UPP2: variants seen among roughly 807,000 people sequenced by gnomAD.
UPP2 encodes uridine phosphorylase 2, also known as UPase 2.
Under a neutral mutation model 26.7 loss-of-function variants are expected in UPP2, and 23 were observed. That is an observed-to-expected ratio of 0.86 (90% CI 0.62 to 1.22). The LOEUF is 1.22. Ranked by LOEUF, UPP2 falls within the 50% of genes most tolerant of loss-of-function variation. The probability of loss-of-function intolerance (pLI) is 0.00; values close to 1 mark genes in which losing one functional copy is unlikely to be tolerated. For synonymous variants in UPP2, 127 were observed against 141.3 expected, an observed-to-expected ratio of 0.90 and a Z score of 0.72; for missense variants, 387 against 396.7, an observed-to-expected ratio of 0.98 and a Z score of 0.21.
At chr2:158,104,701 C>T (rs1010661532) in intron 1 of UPP2, among the ~76,000 whole-genome samples, 4 of 151,932 alleles carry the variant, frequency 2.6e-5, no homozygotes, top group African/African-American at 7.3e-5. Context: ...GTGGGTGGAT[C>T]GCTTGAGGTC....
upstream of UPP2, among the ~76,000 whole-genome samples, chr2:158,097,377 C>CTA (rs1326322481): frequency 6.6e-6 from 1 of 150,458 alleles, no homozygotes; most frequent in Non-Finnish European, 1.5e-5. Flanking sequence ...TGGTTTCTCT[C>CTA]TCTATATATA....
chr2:158,026,770 A>G (rs1270418651), intron 3 of UPP2, among the ~76,000 whole-genome samples: 1 of 152,160 alleles, frequency 6.6e-6, no homozygotes, highest in Non-Finnish European at 1.5e-5. Flanking sequence ...ATAAAGACAT[A>G]CCCAAAACTG....
intron 3 of UPP2, among the ~76,000 whole-genome samples, chr2:158,019,236 G>T (rs560981981): frequency 6.6e-6 from 1 of 152,292 alleles, no homozygotes; most frequent in Admixed American, 6.5e-5. Flanking sequence ...AGTCAAGATG[G>T]TGGATTAGCA....
At chr2:158,101,060 G>C (rs545129107), upstream of UPP2, among the ~76,000 whole-genome samples, 25 of 152,288 alleles carry the variant, frequency 1.6e-4, no homozygotes, top group South Asian at 5.2e-3. Flanking sequence ...TCTTGTATTT[G>C]CTGCTGTTTG....
chr2:158,121,562 TC>T lies in UPP2; in HGVS notation c.612del (p.Asn205ThrfsTer22). 1.9e-6 allele frequency: 3 copies of T among 1,613,552 alleles called. No individual in the cohort carries two copies. Among genetic ancestry groups the T allele is most frequent in the South Asian group, 2.2e-5 (2 of 91,072 alleles). The stretch of plus-strand genomic sequence containing the variant: ...GAACTGTTCAACTGTAGCAAAGAAA[TC>T]CCCAACTTCCCAACCCTCGTTGGAC... Reference protein sequence around the residue: ...SEELFNCSKEIPNFPTLVGHT... With the variant: ...SEELFNCSKEXPNFPTLVGHT... On this transcript the variant is annotated frameshift_variant, in exon 5 of 7. Transcript: ENST00000005756. LOFTEE classifies it high-confidence loss of function.
chr2:158,098,878 C>T (rs959536727), upstream of UPP2, among the ~76,000 whole-genome samples: 8 of 151,890 alleles, frequency 5.3e-5, no homozygotes, highest in Admixed American at 2.0e-4. Context: ...TTTCTTTGCA[C>T]GTATATGTAA....
intron 3 of UPP2, among the ~76,000 whole-genome samples, chr2:158,085,730 A>T (rs1682804600): frequency 6.6e-6 from 1 of 152,064 alleles, no homozygotes; most frequent in African/African-American, 2.4e-5. Context: ...GGATTTTGTC[A>T]AATGCTTTTT....
At chr2:158,133,466 G>C (rs73009415) in intron 6 of UPP2, among the ~76,000 whole-genome samples, 15,722 of 152,092 alleles carry the variant, frequency 0.1, 1,148 homozygotes, top group African/African-American at 0.2. Context: ...ATAGTGATGA[G>C]AGTTTGTAAT....
At chr2:158,079,408 T>G (rs1347995836) in intron 3 of UPP2, among the ~76,000 whole-genome samples, 2 of 151,702 alleles carry the variant, frequency 1.3e-5, no homozygotes, top group East Asian at 3.9e-4. Flanking sequence ...AATGAAAGAG[T>G]TGTGGAATTT....
At chr2:158,107,940 C>G (rs940181572) in intron 2 of UPP2, among the ~76,000 whole-genome samples, 2 of 152,130 alleles carry the variant, frequency 1.3e-5, no homozygotes, top group African/African-American at 4.8e-5. Context: ...AGTCATTGAT[C>G]AAGGCGGTCT....
At chr2:158,061,948 C>A (rs528543588) in intron 3 of UPP2, among the ~76,000 whole-genome samples, 5 of 152,212 alleles carry the variant, frequency 3.3e-5, no homozygotes, top group Non-Finnish European at 5.9e-5. Flanking sequence ...TCTATCCCAG[C>A]GACAGGCATG....
At chr2:158,128,025 G>A (rs1197327569) in intron 6 of UPP2, 1 of 985,094 alleles carries the variant, frequency 1.0e-6, no homozygotes, top group Non-Finnish European at 1.2e-6. Flanking sequence ...CTCTTGTACT[G>A]TGAACTTGTG....
At chr2:158,134,104 A>T (rs1683880663) in intron 6 of UPP2, 1 of 152,190 alleles carries the variant, frequency 6.6e-6, no homozygotes, top group African/African-American at 2.4e-5. Context: ...ATAAGATTTC[A>T]TTCTCATTCT....
chr2:158,110,833 A>G (rs1347173312), intron 2 of UPP2, among the ~76,000 whole-genome samples: 2 of 152,164 alleles, frequency 1.3e-5, no homozygotes, highest in Admixed American at 1.3e-4. Context: ...GTGTCTGTTC[A>G]TATCCTTCGC....
chr2:158,029,173 T>A (rs1390674569), intron 3 of UPP2, among the ~76,000 whole-genome samples: 1 of 152,218 alleles, frequency 6.6e-6, no homozygotes, highest in African/African-American at 2.4e-5. Context: ...GGACAATTTA[T>A]CTCCAAATAT....
chr2:158,087,094 C>G (rs1416438649), intron 3 of UPP2, among the ~76,000 whole-genome samples: 1 of 152,044 alleles, frequency 6.6e-6, no homozygotes, highest in Non-Finnish European at 1.5e-5. Context: ...GTATTAAAGT[C>G]CCCCACTATT....
chr2:158,012,494 C>A (rs1182256234), intron 2 of UPP2, among the ~76,000 whole-genome samples: 1 of 151,890 alleles, frequency 6.6e-6, no homozygotes, highest in Non-Finnish European at 1.5e-5. Flanking sequence ...TCTCAAACTC[C>A]TGACCTCAAG....
chr2:158,130,356 G>C (rs6705279), intron 6 of UPP2, among the ~76,000 whole-genome samples: 30,241 of 151,326 alleles, frequency 0.2, 4,059 homozygotes, highest in African/African-American at 0.38. Context: ...GAGGCTGAGG[G>C]AGGAGAATGG....
chr2:158,086,293 T>C (rs1036596058), intron 3 of UPP2, among the ~76,000 whole-genome samples: 1 of 152,176 alleles, frequency 6.6e-6, no homozygotes, highest in Non-Finnish European at 1.5e-5. Context: ...GTGTTCATAG[T>C]AGCCTTGAAT....
Sources: gnomAD v4.1 joint callset for allele counts (sites outside exome capture counted in the v4.1 genomes callset) on GRCh38, gnomAD v4.1.1 for gene constraint, MANE v1.5 for transcripts, NCBI Gene and HGNC (gene_info 2026-07-23, HGNC 2026-07-21) for gene names.